NXPH1: variants seen among roughly 807,000 people sequenced by gnomAD.
NXPH1 encodes the protein neurexophilin 1, also known as neurexophilin-1.
In NXPH1, 5 loss-of-function variants were observed where a neutral mutation model predicts 23.7. That is an observed-to-expected ratio of 0.21 (90% CI 0.11 to 0.44). NXPH1 has a LOEUF of 0.44. Among genes scored for constraint, NXPH1 ranks in the 20% least tolerant of loss-of-function variants. NXPH1 has a pLI of 0.99. For missense variants in NXPH1, 324 were observed against 321.6 expected, an observed-to-expected ratio of 1.01 and a Z score of -0.06; for synonymous variants, 144 against 122.2, an observed-to-expected ratio of 1.18 and a Z score of -1.18.
At chr7:8,606,459 T>A (rs1298433229) in intron 2 of NXPH1, among the ~76,000 whole-genome samples, 1 of 152,110 alleles carries the variant, frequency 6.6e-6, no homozygotes, top group African/African-American at 2.4e-5. Flanking sequence ...GATTTACCAC[T>A]CAATATTAAA....
intron 2 of NXPH1, among the ~76,000 whole-genome samples, chr7:8,511,557 G>C (rs941302575): frequency 5.3e-5 from 8 of 152,102 alleles, no homozygotes; most frequent in Admixed American, 5.2e-4. Context: ...GTAAGGAGTG[G>C]AGATGAACAG....
intron 2 of NXPH1, among the ~76,000 whole-genome samples, chr7:8,536,991 A>G (rs1301996881): frequency 6.6e-6 from 1 of 151,938 alleles, no homozygotes; most frequent in Non-Finnish European, 1.5e-5. Flanking sequence ...GAGATGCCAA[A>G]TTACACATAC....
At chr7:8,646,934 G>C (rs1367095258) in intron 2 of NXPH1, among the ~76,000 whole-genome samples, 1 of 151,920 alleles carries the variant, frequency 6.6e-6, no homozygotes. Flanking sequence ...TGGGGAGCTG[G>C]GAGGGGTACA....
At chr7:8,622,352 C>A (rs80101731) in intron 2 of NXPH1, among the ~76,000 whole-genome samples, 3,579 of 152,250 alleles carry the variant, frequency 0.024, 219 homozygotes, top group East Asian at 0.17. Context: ...TATACAAGGG[C>A]ATATAATTAG....
chr7:8,481,154 A>G (rs113325446), intron 2 of NXPH1, among the ~76,000 whole-genome samples: 21 of 152,290 alleles, frequency 1.4e-4, no homozygotes, highest in African/African-American at 4.8e-4. Flanking sequence ...CAATATCTTA[A>G]AATATAAAGG....
chr7:8,469,275 C>G (rs1174857165), intron 2 of NXPH1, among the ~76,000 whole-genome samples: 2 of 151,904 alleles, frequency 1.3e-5, no homozygotes, highest in African/African-American at 4.8e-5. Flanking sequence ...TTTATCTAGA[C>G]TTTGAAAATG....
chr7:8,682,005 G>A (rs1338331850), intron 2 of NXPH1, among the ~76,000 whole-genome samples: 1 of 152,194 alleles, frequency 6.6e-6, no homozygotes, highest in East Asian at 1.9e-4. Context: ...AGGCAAGGGA[G>A]GAGAAAAACA....
intron 2 of NXPH1, among the ~76,000 whole-genome samples, chr7:8,747,469 T>TTGG (rs1780490334): frequency 2.0e-5 from 3 of 152,220 alleles, no homozygotes; most frequent in African/African-American, 7.2e-5. Flanking sequence ...TCCTCCTTCT[T>TTGG]TGGGATAATT....
chr7:8,701,984 C>A (rs1779630004), intron 2 of NXPH1, among the ~76,000 whole-genome samples: 1 of 150,674 alleles, frequency 6.6e-6, no homozygotes. Context: ...TAAAATGTAC[C>A]AATTTATCTG....
chr7:8,636,421 A>C (rs1347101694), intron 2 of NXPH1, among the ~76,000 whole-genome samples: 2 of 152,240 alleles, frequency 1.3e-5, no homozygotes, highest in Non-Finnish European at 2.9e-5. Context: ...TGTATTTTCA[A>C]GCCACTTTCT....
chr7:8,687,531 A>G (rs1308911169), intron 2 of NXPH1, among the ~76,000 whole-genome samples: 1 of 152,158 alleles, frequency 6.6e-6, no homozygotes, highest in African/African-American at 2.4e-5. Flanking sequence ...TTTTTCCTGT[A>G]ATATTTATGT....
intron 2 of NXPH1, among the ~76,000 whole-genome samples, chr7:8,684,994 G>T (rs562738854): frequency 6.6e-6 from 1 of 152,192 alleles, no homozygotes; most frequent in East Asian, 1.9e-4. Flanking sequence ...TCTGGGAATG[G>T]CTCTGAGCGG....
At chr7:8,455,690 A>G (rs1221577507) in intron 2 of NXPH1, among the ~76,000 whole-genome samples, 1 of 152,160 alleles carries the variant, frequency 6.6e-6, no homozygotes. Flanking sequence ...TTGTGAAGAC[A>G]AGTTGGGAGG....
intron 2 of NXPH1, among the ~76,000 whole-genome samples, chr7:8,683,883 G>A (rs1821098254): frequency 1.3e-5 from 2 of 152,212 alleles, no homozygotes; most frequent in South Asian, 2.1e-4. Context: ...CAGGAAGCTA[G>A]AGACATTGCT....
chr7:8,656,047 T>A, intron 2 of NXPH1, among the ~76,000 whole-genome samples: 1 of 152,238 alleles, frequency 6.6e-6, no homozygotes. Context: ...AGCAGTTTGG[T>A]GGCACAAATT....
chr7:8,728,681 G>T (rs1471993186), intron 2 of NXPH1, among the ~76,000 whole-genome samples: 1 of 151,596 alleles, frequency 6.6e-6, no homozygotes, highest in African/African-American at 2.4e-5. Flanking sequence ...GCATCCCAGG[G>T]ATGAAGCCCA....
chr7:8,691,570 C>A (rs1821222073), intron 2 of NXPH1, among the ~76,000 whole-genome samples: 1 of 152,102 alleles, frequency 6.6e-6, no homozygotes, highest in Middle Eastern at 3.4e-3. Flanking sequence ...TTTTTGCTAC[C>A]AAATACAATT....
intron 2 of NXPH1, among the ~76,000 whole-genome samples, chr7:8,661,517 A>T (rs1036032055): frequency 6.6e-6 from 1 of 152,102 alleles, no homozygotes; most frequent in Non-Finnish European, 1.5e-5. Flanking sequence ...TTCTGTCTGA[A>T]GTGGTAAGCA....
At chr7:8,611,883 A>T (rs927404510) in intron 2 of NXPH1, among the ~76,000 whole-genome samples, 7 of 152,092 alleles carry the variant, frequency 4.6e-5, no homozygotes, top group Non-Finnish European at 7.4e-5. Context: ...GTCCTACAAT[A>T]TTCTTAGCAG....
Sources: gnomAD v4.1 joint callset for allele counts (sites outside exome capture counted in the v4.1 genomes callset) on GRCh38, gnomAD v4.1.1 for gene constraint, MANE v1.5 for transcripts, NCBI Gene and HGNC (gene_info 2026-07-23, HGNC 2026-07-21) for gene names.